The following ADGRB3 variants were observed in gnomAD, a reference collection of about 807,000 sequenced individuals.
ADGRB3 encodes brain-specific angiogenesis inhibitor 3.
Under a neutral mutation model 193.4 loss-of-function variants are expected in ADGRB3, and 37 were observed. That is an observed-to-expected ratio of 0.19 (90% CI 0.15 to 0.25). The LOEUF is 0.25. ADGRB3 is among the 10% of genes least tolerant of loss of function. The pLI is 1.00. For synonymous variants in ADGRB3, 690 were observed against 644.2 expected (o/e 1.07, Z -1.08); for missense variants, 1,637 against 1,852.9 (o/e 0.88, Z 2.14).
At chr6:69,054,037 G>A (rs1289008812) in intron 15 of ADGRB3, among the ~76,000 whole-genome samples, 1 of 152,108 alleles carries the variant, frequency 6.6e-6, no homozygotes, top group Admixed American at 6.6e-5. Context: ...CATGAAAAAT[G>A]TAGTCCCTTA....
intron 29 of ADGRB3, among the ~76,000 whole-genome samples, chr6:69,364,448 G>A (rs1743846032): frequency 6.6e-6 from 1 of 152,060 alleles, no homozygotes; most frequent in African/African-American, 2.4e-5. Context: ...CAGCCTTCAT[G>A]GGAGTTTGTT....
At chr6:68,742,186 T>A (rs1765995202) in intron 3 of ADGRB3, among the ~76,000 whole-genome samples, 1 of 152,192 alleles carries the variant, frequency 6.6e-6, no homozygotes, top group African/African-American at 2.4e-5. Flanking sequence ...CTCCCCAGTC[T>A]TATCACAAGT....
intron 3 of ADGRB3, among the ~76,000 whole-genome samples, chr6:68,812,256 C>T (rs1025198201): frequency 6.6e-6 from 1 of 152,022 alleles, no homozygotes; most frequent in Non-Finnish European, 1.5e-5. Flanking sequence ...GAAATTTATC[C>T]TGTAGGTGGT....
intron 20 of ADGRB3, among the ~76,000 whole-genome samples, chr6:69,269,989 T>C (rs1767138142): frequency 6.6e-6 from 1 of 152,218 alleles, no homozygotes; most frequent in South Asian, 2.1e-4. Flanking sequence ...AATATTTTTA[T>C]AACATAAGTG....
At position 68,899,471 on chromosome 6, in the gene ADGRB3, G is replaced by A. The variant is rs963947288; in HGVS notation, c.758-31088G>A. On this transcript the variant is annotated intron_variant, in intron 3 of 31. Transcript: ENST00000370598. Reference sequence around the variant, plus strand: ...CCCACCCCACAACAGTCCCCAGAGTGTGATATTCCCCTTCCTGTGTCCATG... The same window carrying A: ...CCCACCCCACAACAGTCCCCAGAGTATGATATTCCCCTTCCTGTGTCCATG... Among the ~76,000 whole-genome samples the A allele has an allele frequency of 4.0e-5, 5 of 124,206 alleles. No individual in the cohort carries two copies. In the East Asian group the frequency reaches 9.5e-4, roughly 24 times the overall value. The allele number at this position is 124,206 out of a possible 152,430, so 81.5% of individuals were successfully genotyped here. A position where few individuals can be genotyped will look rare whatever the true frequency, so the allele number is the denominator to read the frequency against.
At chr6:68,740,149 T>C (rs2127340004) in intron 3 of ADGRB3, among the ~76,000 whole-genome samples, 1 of 152,320 alleles carries the variant, frequency 6.6e-6, no homozygotes, top group East Asian at 1.9e-4. Context: ...TAATAAAGAA[T>C]TTCCTTTACA....
rs754622153 is a variant in ADGRB3 at position 69,339,424 on chromosome 6, T to A, written c.3379T>A (p.Leu1127Met). The part of the protein sequence containing the change: ...VLAMTDKRSI[L>M]FQILFAVFDS... ...GGCCATGACAGATAAACGCTCCATA[T>A]TGTTTCAAATACTTTTTGCTGTGTT... The change falls in exon 26 of 32, where the codon TTG becomes ATG. Residue 1127 changes from leucine (L) to methionine (M), a missense_variant. By Grantham distance (15) the Leu-to-Met change is conservative. Coordinates refer to ENST00000370598, the MANE Select transcript of ADGRB3 (RefSeq NM_001704.3). 2 of 1,613,952 alleles carry A rather than the reference T, an allele frequency of 1.2e-6. No homozygotes were observed. Among genetic ancestry groups the A allele is most frequent in the African/African-American group, 1.3e-5 (1 of 74,920 alleles).
intron 15 of ADGRB3, among the ~76,000 whole-genome samples, chr6:69,053,501 G>A (rs1771458434): frequency 6.6e-6 from 1 of 152,222 alleles, no homozygotes; most frequent in Non-Finnish European, 1.5e-5. Flanking sequence ...GAGCCAGAGT[G>A]GGTGGCTATG....
chr6:68,647,752 C>T (rs541232910), intron 3 of ADGRB3, among the ~76,000 whole-genome samples: 1 of 152,072 alleles, frequency 6.6e-6, no homozygotes, highest in Non-Finnish European at 1.5e-5. Flanking sequence ...CTATTTTAAT[C>T]TTTGCTGGAT....
At chr6:68,739,145 A>G (rs982433766) in intron 3 of ADGRB3, among the ~76,000 whole-genome samples, 1 of 152,200 alleles carries the variant, frequency 6.6e-6, no homozygotes, top group Admixed American at 6.6e-5. Context: ...CCTTACCAAC[A>G]ATACTTTACC....
At chr6:68,846,451 C>G (rs1768276362) in intron 3 of ADGRB3, among the ~76,000 whole-genome samples, 1 of 152,204 alleles carries the variant, frequency 6.6e-6, no homozygotes, top group South Asian at 2.1e-4. Context: ...ATCACAGGCC[C>G]AGATGCCCAG....
At chr6:69,330,928 C>T (rs186072195) in intron 23 of ADGRB3, among the ~76,000 whole-genome samples, 3 of 152,152 alleles carry the variant, frequency 2.0e-5, no homozygotes, top group South Asian at 4.2e-4. Flanking sequence ...ATGGTTATTA[C>T]GTATGGTTAT....
intron 17 of ADGRB3, among the ~76,000 whole-genome samples, chr6:69,145,433 C>T (rs918001648): frequency 2.0e-5 from 3 of 152,188 alleles, no homozygotes; most frequent in South Asian, 2.1e-4. Flanking sequence ...AGGGGTGTCA[C>T]AGCCCTGGCT....
intron 3 of ADGRB3, among the ~76,000 whole-genome samples, chr6:68,920,053 C>A (rs566496299): frequency 1.1e-4 from 16 of 151,972 alleles, no homozygotes; most frequent in African/African-American, 3.9e-4. Flanking sequence ...CCAAAACAAA[C>A]GTGGAAGAAA....
At chr6:68,891,696 A>G (rs1766081408) in intron 3 of ADGRB3, among the ~76,000 whole-genome samples, 1 of 152,162 alleles carries the variant, frequency 6.6e-6, no homozygotes, top group South Asian at 2.1e-4. Flanking sequence ...AGTGTCTTGA[A>G]TTTAACCCAC....
At chr6:69,244,482 C>T (rs1183652009) in intron 20 of ADGRB3, among the ~76,000 whole-genome samples, 1 of 152,080 alleles carries the variant, frequency 6.6e-6, no homozygotes, top group Non-Finnish European at 1.5e-5. Flanking sequence ...AGCTTCTGCA[C>T]ACATTTATGT....
intron 3 of ADGRB3, among the ~76,000 whole-genome samples, chr6:68,686,593 C>T (rs989627726): frequency 1.3e-5 from 2 of 152,144 alleles, no homozygotes; most frequent in Admixed American, 6.6e-5. Context: ...TTTTAGCACA[C>T]ATCAGTGGAG....
At chr6:69,312,248 T>C (rs1352702959) in intron 20 of ADGRB3, among the ~76,000 whole-genome samples, 1 of 151,758 alleles carries the variant, frequency 6.6e-6, no homozygotes, top group Non-Finnish European at 1.5e-5. Context: ...GGTGATTGAC[T>C]GGATGTGAGG....
intron 13 of ADGRB3, among the ~76,000 whole-genome samples, chr6:69,045,593 A>T (rs1460234819): frequency 6.6e-6 from 1 of 152,148 alleles, no homozygotes; most frequent in Admixed American, 6.5e-5. Flanking sequence ...CAATGTATAC[A>T]TATTTTAAAA....
Sources: allele counts gnomAD v4.1 joint callset (sites outside exome capture counted in the v4.1 genomes callset), GRCh38; gene constraint gnomAD v4.1.1; transcripts MANE v1.5; gene names NCBI Gene and HGNC (gene_info 2026-07-23, HGNC 2026-07-21).